The following CYTH4 variants were observed in gnomAD, a reference collection of about 807,000 sequenced individuals.
CYTH4 encodes cytohesin-4.
Under a neutral mutation model 57.5 loss-of-function variants are expected in CYTH4, and 22 were observed. The ratio of observed to expected loss-of-function variants is 0.38; its 90% CI spans 0.27 to 0.55. CYTH4 has a LOEUF of 0.55. CYTH4 is among the 20% of genes least tolerant of loss of function. The pLI, the probability that CYTH4 is intolerant of heterozygous loss-of-function variation, is 0.74. For missense variants in CYTH4, 420 were observed against 535.6 expected (o/e 0.78, Z 2.13); for synonymous variants, 186 against 206.5 (o/e 0.90, Z 0.85).
rs1458079592 is a variant in CYTH4 at position 37,300,900 on chromosome 22, C to T, written c.435-7C>T. On this transcript the variant is annotated splice_polypyrimidine_tract_variant and splice_region_variant and intron_variant, in intron 6 of 12. Transcript: ENST00000248901. Reference sequence around the variant, plus strand: ...CTCCACTGCCCGTGGCCCCGTTTCTCCCCCAGGCAGTTCCTGTGGAGCTTC... The same window carrying T: ...CTCCACTGCCCGTGGCCCCGTTTCTTCCCCAGGCAGTTCCTGTGGAGCTTC... The T allele has an allele frequency of 3.7e-6, 6 of 1,612,982 alleles. No homozygotes were observed. The highest frequency in any genetic ancestry group is 2.2e-5 in the East Asian group (1 of 44,856).
At chr22:37,292,389 A>G in intron 1 of CYTH4, 1 of 518,094 alleles carries the variant, frequency 1.9e-6, no homozygotes, top group Non-Finnish European at 3.4e-6. Flanking sequence ...AGGAAACAGG[A>G]TCCTTTTGGG....
chr22:37,285,343 C>T (rs889453663), intron 1 of CYTH4, among the ~76,000 whole-genome samples: 4 of 150,968 alleles, frequency 2.6e-5, no homozygotes, highest in African/African-American at 7.4e-5. Flanking sequence ...GAGAAGGAAA[C>T]GGGGTGTGTG....
chr22:37,297,737 C>T (rs751066884), intron 5 of CYTH4, 55 bp downstream of exon 5: 8 of 1,465,934 alleles, frequency 5.5e-6, no homozygotes, highest in African/African-American at 2.8e-5. Flanking sequence ...CAGGTGTGTA[C>T]AGGTGTGTGG....
At chr22:37,308,971 G>A (rs1471209573) in intron 8 of CYTH4, among the ~76,000 whole-genome samples, 1 of 152,148 alleles carries the variant, frequency 6.6e-6, no homozygotes, top group African/African-American at 2.4e-5. Context: ...TAGCACAGAG[G>A]GAAGCATGAC....
At chr22:37,288,549 G>A (rs1282298649) in intron 1 of CYTH4, among the ~76,000 whole-genome samples, 2 of 151,274 alleles carry the variant, frequency 1.3e-5, no homozygotes, top group Non-Finnish European at 2.9e-5. Context: ...TCATGTCACT[G>A]CACTCCAACC....
rs1929540328 is a variant in CYTH4 at position 37,309,146 on chromosome 22, C to A, written c.697-66C>A. The A allele has an allele frequency of 3.5e-6, 5 of 1,446,308 alleles. No individual in the cohort carries two copies. The Admixed American group carries it at 6.9e-5, about 20-fold the overall frequency. The allele number at this position is 1,446,308 out of a possible 1,614,324, so 89.6% of individuals were successfully genotyped here. ...CCTGCTCAAGGCCACACAGGCCAGGCCAGGCCTAGGCCTTGGACTCGGGTG... is the reference window on the plus strand; with the variant it reads ...CCTGCTCAAGGCCACACAGGCCAGGACAGGCCTAGGCCTTGGACTCGGGTG... On this transcript the variant is annotated intron_variant, in intron 8 of 12. Transcript: ENST00000248901.
At chr22:37,283,227 G>A (rs1241700064) in intron 1 of CYTH4, among the ~76,000 whole-genome samples, 1 of 152,118 alleles carries the variant, frequency 6.6e-6, no homozygotes, top group Non-Finnish European at 1.5e-5. Flanking sequence ...AGAGGCTCTG[G>A]TTGAAACCCT....
chr22:37,305,408 G>T (rs1013172794), intron 8 of CYTH4, among the ~76,000 whole-genome samples: 5 of 152,126 alleles, frequency 3.3e-5, no homozygotes, highest in African/African-American at 1.2e-4. Flanking sequence ...AGAACAGAGC[G>T]CTGGACTCAG....
intron 1 of CYTH4, among the ~76,000 whole-genome samples, chr22:37,285,636 G>A (rs1441029467): frequency 6.6e-6 from 1 of 152,036 alleles, no homozygotes; most frequent in Non-Finnish European, 1.5e-5. Context: ...ACTTGAACCT[G>A]GGAGGTGGAG....
intron 1 of CYTH4, among the ~76,000 whole-genome samples, chr22:37,286,455 G>A (rs8136022): frequency 1.3e-5 from 2 of 152,130 alleles, no homozygotes; most frequent in South Asian, 4.1e-4. Flanking sequence ...AGGGCCTGGC[G>A]CACCATGGGT....
rs1929618880 is a variant in CYTH4, at chr22:37,311,007, G to T, written c.828G>T (p.Trp276Cys). The T allele has an allele frequency of 2.5e-6, 4 of 1,614,060 alleles. No individual in the cohort carries two copies. Among genetic ancestry groups the T allele is most frequent in the Non-Finnish European group, 3.4e-6 (4 of 1,180,036 alleles). ...LLKLGGRVKTWKRRWFILTDN... is the reference protein window; with the variant it reads ...LLKLGGRVKTCKRRWFILTDN... ...GCGCAGGGGGCCGCGTGAAGACGTGGAAACGGCGCTGGTTCATCCTGACCG... is the reference window on the plus strand; with the variant it reads ...GCGCAGGGGGCCGCGTGAAGACGTGTAAACGGCGCTGGTTCATCCTGACCG... Residue 276 changes from tryptophan (W) to cysteine (C), a missense_variant, in exon 10 of 13, where the codon TGG (tryptophan) becomes TGT (cysteine). Physicochemically the swap from Trp to Cys is radical, Grantham distance 215 (BLOSUM62 -2). Transcript: ENST00000248901. The surrounding 1 kb of genome is among the most constrained non-coding windows in gnomAD (Gnocchi z 4.4).
chr22:37,308,991 G>A (rs901102534), intron 8 of CYTH4, among the ~76,000 whole-genome samples: 5 of 152,210 alleles, frequency 3.3e-5, no homozygotes, highest in Admixed American at 2.0e-4. Context: ...CCGGGGTGGC[G>A]GGGTGGCGGG....
intron 1 of CYTH4, among the ~76,000 whole-genome samples, chr22:37,283,435 A>T (rs1383989978): frequency 6.6e-6 from 1 of 152,156 alleles, no homozygotes; most frequent in Non-Finnish European, 1.5e-5. Flanking sequence ...GAATTCCAGA[A>T]CCTAAGGGCT....
rs1166726783 is a variant in CYTH4, at chr22:37,292,678, G to A, written c.77G>A (p.Arg26Gln). Residue 26 changes from arginine (R) to glutamine (Q), a missense_variant, in exon 2 of 13, where the codon CGA (arginine) becomes CAA (glutamine). Coordinates refer to ENST00000248901, the MANE Select transcript of CYTH4 (RefSeq NM_013385.5). ...GAGTTACAGAGGATCAAGTGGCACC[G>A]AAAGCAGCTCCTGGAGGACATCCAG... ...TEELQRIKWH[R>Q]KQLLEDIQKL... is the part of the protein sequence containing the mutation. The A allele has an allele frequency of 1.5e-5, 24 of 1,613,802 alleles. No homozygotes were observed. Among genetic ancestry groups the A allele is most frequent in the East Asian group, 2.2e-5 (1 of 44,886 alleles).
At chr22:37,309,132 C>T (rs1929539759) in intron 8 of CYTH4, 80 bp from the exon 9 acceptor site, 2 of 1,270,210 alleles carry the variant, frequency 1.6e-6, no homozygotes, top group African/African-American at 1.5e-5. Flanking sequence ...CTGCTCAAGG[C>T]CACACAGGCC....
At position 37,311,977 on chromosome 22, in the gene CYTH4, A is replaced by C; in HGVS notation, c.958-43A>C. 6.3e-7 allele frequency: 1 copy of C among 1,597,034 alleles called. No homozygotes were observed. On this transcript the variant is annotated intron_variant, in intron 11 of 12. Transcript: ENST00000248901. This position sits in a 1 kb window ranked among gnomAD's most constrained non-coding sequence, Gnocchi z 4.4. ...TCTGAGCCTCCTGGAGGGCCCACCC[A>C]GCCTCCCTCTCTTCCCACCCTTGCC...
Position 37,308,695 on chromosome 22 carries a change from T to C in CYTH4, c.697-517T>C, listed in dbSNP as rs1248814600. Among the ~76,000 whole-genome samples, 2 of 151,816 alleles carry C rather than the reference T, an allele frequency of 1.3e-5. 1 individual carries two copies. Among genetic ancestry groups the C allele is most frequent in the South Asian group, 4.2e-4 (2 of 4,788 alleles). ...GTGCTTGCATGTGTAAGTATGCATG[T>C]ATGTGTGAGCATGCATGTGTGTGTG... On this transcript the variant is annotated intron_variant, in intron 8 of 12. Transcript: ENST00000248901.
chr22:37,306,459 G>T (rs1044559270), intron 8 of CYTH4, among the ~76,000 whole-genome samples: 33 of 152,226 alleles, frequency 2.2e-4, no homozygotes, highest in African/African-American at 8.0e-4. Flanking sequence ...ATGAGAGGTA[G>T]CTGGCCAGAG....
At position 37,297,599 on chromosome 22, in the gene CYTH4, C is replaced by G. The variant is rs747413499; in HGVS notation, c.270C>G (p.Thr90=). The G allele has an allele frequency of 4.3e-6, 7 of 1,613,842 alleles. No homozygotes were observed. Residue 90 remains threonine, a synonymous_variant, in exon 5 of 13, where the codon ACC becomes ACG. Transcript: ENST00000248901. ...ATTTCATTGAGCACAAGCTGCTGACCCCTGACGTCCAGGACATTGCACGGT... is the reference window on the plus strand; with the variant it reads ...ATTTCATTGAGCACAAGCTGCTGACGCCTGACGTCCAGGACATTGCACGGT... ...IQYFIEHKLL[T]PDVQDIARFL...
Sources: allele counts gnomAD v4.1 joint callset (sites outside exome capture counted in the v4.1 genomes callset), GRCh38; gene constraint gnomAD v4.1.1; non-coding constraint Gnocchi (gnomAD v3.1); transcripts MANE v1.5; gene names NCBI Gene and HGNC (gene_info 2026-07-23, HGNC 2026-07-21).